Variants in PLB1 observed in about 807,000 individuals in gnomAD.
PLB1 encodes phospholipase B1, also known as phospholipase B1, membrane-associated.
PLB1 carries 242 observed loss-of-function variants against 227.4 expected under a neutral mutation model. The observed-to-expected ratio is 1.06, with a 90% CI of 0.96 to 1.18. The LOEUF (loss-of-function observed/expected upper bound fraction) is 1.18, where lower values mean the gene tolerates loss of function less well. PLB1 is among the 50% of genes most tolerant of loss of function. PLB1 has a pLI of 0.00. For synonymous variants in PLB1, 757 were observed against 682.2 expected, an observed-to-expected ratio of 1.11 and a Z score of -1.71; for missense variants, 1,858 against 1,816.3, an observed-to-expected ratio of 1.02 and a Z score of -0.42.
chr2:28,523,338 T>TG (rs1254815869), intron 4 of PLB1, among the ~76,000 whole-genome samples: 1 of 132,910 alleles, frequency 7.5e-6, no homozygotes, highest in Non-Finnish European at 1.6e-5. Flanking sequence ...CTGCGAGGTT[T>TG]TTTTTTTTTT....
At position 28,578,109 on chromosome 2, in the gene PLB1, A is replaced by T; in HGVS notation, c.1436A>T (p.Asp479Val). The change falls in exon 22 of 58, where the codon GAT becomes GTT. Residue 479 changes from aspartate (D) to valine (V), a missense_variant and splice_region_variant. Transcript: ENST00000327757. ...NQAVAGGRAE[D>V]LPVQARRLVD... ...CTTCCTCTGGTATGTTTCCACAGGGATCTACCTGTCCAGGCCAGGAGGCTG... is the reference window on the plus strand; with the variant it reads ...CTTCCTCTGGTATGTTTCCACAGGGTTCTACCTGTCCAGGCCAGGAGGCTG... The T allele has an allele frequency of 3.7e-6, 6 of 1,614,106 alleles. No homozygotes were observed. Among genetic ancestry groups the T allele is most frequent in the Non-Finnish European group, 5.1e-6 (6 of 1,179,960 alleles).
chr2:28,548,723 G>A, intron 14 of PLB1, 137 bp from the exon 15 acceptor site: 3 of 790,132 alleles, frequency 3.8e-6, no homozygotes, highest in South Asian at 3.2e-5. Context: ...AGTAGTTTGG[G>A]GATGGGGGCT....
chr2:28,629,006 G>A, intron 52 of PLB1, 88 bp from the exon 53 acceptor site: 3 of 1,081,820 alleles, frequency 2.8e-6, no homozygotes, highest in Middle Eastern at 2.1e-4. Context: ...GTAAAATTGA[G>A]GGGAGTGGGA....
rs771582074 is a variant in PLB1, at chr2:28,579,634, A to G, written c.1493A>G (p.His498Arg). 23 of 1,611,286 alleles carry G rather than the reference A, an allele frequency of 1.4e-5. No individual in the cohort carries two copies. The highest frequency in any genetic ancestry group is 2.0e-5 in the Non-Finnish European group (23 of 1,177,664). ...VDLMKNDTRI[H>R]FQEDWKIITL... is the part of the protein sequence containing the mutation. Reference sequence around the variant, plus strand: ...TGTTTCTATTCATTTCAGAGGATACACTTTCAGGAAGACTGGAAGATAATA... The same window carrying G: ...TGTTTCTATTCATTTCAGAGGATACGCTTTCAGGAAGACTGGAAGATAATA... The change falls in exon 23 of 58, where the codon CAC becomes CGC. Residue 498 changes from histidine (H) to arginine (R), a missense_variant. Physicochemically the swap from His to Arg is conservative, Grantham distance 29. Coordinates refer to ENST00000327757, the MANE Select transcript of PLB1 (RefSeq NM_153021.5).
chr2:28,582,810 G>A (rs1298970429), intron 25 of PLB1, among the ~76,000 whole-genome samples: 4 of 152,158 alleles, frequency 2.6e-5, no homozygotes, highest in Admixed American at 1.3e-4. Flanking sequence ...ATGGAGTCAA[G>A]CTGTGTGTCT....
rs1685842441 is a variant in PLB1, at chr2:28,614,018, T to C, written c.3130-13T>C. ...TGTCAGATAACTTCTCCATGTGTTT[T>C]TTTTTCTCTTAGAATGAGCCCTTCC... On this transcript the variant is annotated splice_polypyrimidine_tract_variant and intron_variant, in intron 43 of 57. Coordinates refer to ENST00000327757, the MANE Select transcript of PLB1 (RefSeq NM_153021.5). 1.2e-6 allele frequency: 2 copies of C among 1,606,452 alleles called. No individual in the cohort carries two copies. The highest frequency in any genetic ancestry group is 8.5e-7 in the Non-Finnish European group (1 of 1,173,224).
rs557105637 is a variant in PLB1 at position 28,552,320 on chromosome 2, A to T, written c.1084-608A>T. 5.3e-5 allele frequency among the ~76,000 whole-genome samples: 8 copies of T among 152,338 alleles called. 1 individual carries two copies. In the South Asian group the frequency reaches 1.7e-3, roughly 32 times the overall value. On this transcript the variant is annotated intron_variant, in intron 16 of 57. Transcript: ENST00000327757. ...GGGGAGAGGGTAACTACTTGGGCAAAGGCCTGGATGCAGGGAAATATGGAG... is the reference window on the plus strand; with the variant it reads ...GGGGAGAGGGTAACTACTTGGGCAATGGCCTGGATGCAGGGAAATATGGAG...
intron 5 of PLB1, 21 bp from the exon 6 acceptor site, chr2:28,525,884 C>T (rs760108683): frequency 6.2e-7 from 1 of 1,613,840 alleles, no homozygotes; most frequent in Non-Finnish European, 8.5e-7. Context: ...CTGACACTCA[C>T]ATGCCTGCTT....
At position 28,626,432 on chromosome 2, in the gene PLB1, T is replaced by C; in HGVS notation, c.3584T>C (p.Ile1195Thr). ...CAGGATCTTCTGTCCCCTCAGGACA[T>C]CAACCTGGAGAAAGACTGGAAGCTG... is the stretch of plus-strand genomic sequence containing the variant. ...LVERMKNSPD[I>T]NLEKDWKLVT... The change falls in exon 51 of 58, where the codon ATC (isoleucine) becomes ACC (threonine). Residue 1195 changes from isoleucine to threonine, a missense_variant. Physicochemically the swap from Ile to Thr is moderately conservative, Grantham distance 89. Coordinates refer to ENST00000327757, the MANE Select transcript of PLB1 (RefSeq NM_153021.5). The C allele has an allele frequency of 6.2e-7, 1 of 1,614,000 alleles. No homozygotes were observed. Among genetic ancestry groups the C allele is most frequent in the Non-Finnish European group, 8.5e-7 (1 of 1,179,842 alleles).
intron 22 of PLB1, 86 bp from the exon 23 acceptor site, chr2:28,579,541 A>G (rs928355607): frequency 1.9e-6 from 2 of 1,069,230 alleles, no homozygotes. Flanking sequence ...GTGAGGACCC[A>G]TCTTTTCTAG....
At chr2:28,546,890 T>C (rs1479237534) in intron 14 of PLB1, among the ~76,000 whole-genome samples, 2 of 152,278 alleles carry the variant, frequency 1.3e-5, no homozygotes, top group African/African-American at 2.4e-5. Context: ...GATTCCATTA[T>C]GGATTAAATT....
At chr2:28,641,318 T>C (rs1558985158) in intron 57 of PLB1, among the ~76,000 whole-genome samples, 1 of 152,152 alleles carries the variant, frequency 6.6e-6, no homozygotes. Flanking sequence ...GTCTTAAAAG[T>C]GCACCAAGGC....
intron 14 of PLB1, among the ~76,000 whole-genome samples, chr2:28,546,350 C>A (rs571888763): frequency 1.3e-5 from 2 of 152,188 alleles, no homozygotes; most frequent in African/African-American, 4.8e-5. Context: ...CACCAGGTGC[C>A]GAAGCCACAG....
At chr2:28,539,205 G>A (rs751021306) in intron 11 of PLB1, 27 bp downstream of exon 11, 51 of 1,582,990 alleles carry the variant, frequency 3.2e-5, no homozygotes, top group Admixed American at 6.7e-5. Context: ...AATGAGACAC[G>A]CATCTGTGAC....
At chr2:28,543,335 A>G in intron 14 of PLB1, 67 bp downstream of exon 14, 2 of 1,541,208 alleles carry the variant, frequency 1.3e-6, no homozygotes, top group Non-Finnish European at 1.8e-6. Flanking sequence ...CACTGAGCCC[A>G]CCGTGCTGAG....
At chr2:28,558,245 A>C (rs1437059141) in intron 17 of PLB1, among the ~76,000 whole-genome samples, 7 of 151,974 alleles carry the variant, frequency 4.6e-5, no homozygotes, top group Non-Finnish European at 7.4e-5. Flanking sequence ...CTGCCTCTTT[A>C]GCAAACTGTA....
chr2:28,629,489 G>A (rs1688298003), intron 53 of PLB1, among the ~76,000 whole-genome samples: 1 of 152,200 alleles, frequency 6.6e-6, no homozygotes, highest in Non-Finnish European at 1.5e-5. Flanking sequence ...GCTCCCTGTT[G>A]AGAAGCAGCA....
At chr2:28,580,030 C>G (rs1240379910) in intron 23 of PLB1, among the ~76,000 whole-genome samples, 1 of 152,218 alleles carries the variant, frequency 6.6e-6, no homozygotes, top group Non-Finnish European at 1.5e-5. Context: ...CAGGTTAGCT[C>G]CCTTCCCCAG....
intron 8 of PLB1, among the ~76,000 whole-genome samples, chr2:28,530,644 CT>C: frequency 6.6e-6 from 1 of 152,352 alleles, no homozygotes; most frequent in Non-Finnish European, 1.5e-5. Context: ...ATCCTTAGAT[CT>C]TTTGTGTTGC....
Sources: allele counts gnomAD v4.1 joint callset (sites outside exome capture counted in the v4.1 genomes callset), GRCh38; gene constraint gnomAD v4.1.1; transcripts MANE v1.5; gene names NCBI Gene and HGNC (gene_info 2026-07-23, HGNC 2026-07-21).